IGF1R: variants seen among roughly 807,000 people sequenced by gnomAD.
IGF1R encodes the protein insulin like growth factor 1 receptor.
IGF1R carries 44 observed loss-of-function variants against 144.6 expected under a neutral mutation model. The observed-to-expected ratio is 0.30, with a 90% CI of 0.24 to 0.39. IGF1R has a LOEUF of 0.39. Ranked by LOEUF, IGF1R falls within the 10% of genes least tolerant of loss-of-function variation. IGF1R has a pLI of 1.00. For synonymous variants in IGF1R, 795 were observed against 722.8 expected, an observed-to-expected ratio of 1.10 and a Z score of -1.60; for missense variants, 1,355 against 1,833.7, an observed-to-expected ratio of 0.74 and a Z score of 4.77.
At chr15:98,925,694 G>C (rs988820999) in intron 13 of IGF1R, among the ~76,000 whole-genome samples, 1 of 152,242 alleles carries the variant, frequency 6.6e-6, no homozygotes, top group Non-Finnish European at 1.5e-5. Context: ...CTTGAGGTCA[G>C]GAGTTTGAGA....
At chr15:98,819,193 A>G (rs557886303) in intron 2 of IGF1R, among the ~76,000 whole-genome samples, 1 of 152,230 alleles carries the variant, frequency 6.6e-6, no homozygotes, top group Admixed American at 6.5e-5. Flanking sequence ...ATGGAGAGAA[A>G]CATTTGGCAC....
intron 1 of IGF1R, among the ~76,000 whole-genome samples, chr15:98,683,583 G>GA (rs1306970110): frequency 4.6e-5 from 7 of 152,148 alleles, no homozygotes; most frequent in Non-Finnish European, 1.0e-4. Flanking sequence ...TGTTTATTGA[G>GA]AAAATCATTG....
chr15:98,931,499 GCCT>G (rs2015939341), intron 15 of IGF1R, among the ~76,000 whole-genome samples: 2 of 152,098 alleles, frequency 1.3e-5, no homozygotes, highest in South Asian at 4.1e-4. Context: ...ATCAAAAGCA[GCCT>G]CCTCTGAATG....
At chr15:98,662,313 A>G in intron 1 of IGF1R, among the ~76,000 whole-genome samples, 1 of 152,030 alleles carries the variant, frequency 6.6e-6, no homozygotes. Flanking sequence ...TCTACAGTGA[A>G]AGGTTTGAAC....
chr15:98,654,886 A>C (rs2052449324), intron 1 of IGF1R, among the ~76,000 whole-genome samples: 1 of 152,212 alleles, frequency 6.6e-6, no homozygotes, highest in Non-Finnish European at 1.5e-5. Context: ...ATGCACTCTG[A>C]TCCCTCCTGG....
intron 1 of IGF1R, among the ~76,000 whole-genome samples, chr15:98,701,247 C>T (rs1374295448): frequency 6.6e-6 from 1 of 151,622 alleles, no homozygotes; most frequent in Non-Finnish European, 1.5e-5. Context: ...CACAGTGTGC[C>T]TGTAGACCTG....
intron 11 of IGF1R, among the ~76,000 whole-genome samples, chr15:98,923,171 G>A (rs965459972): frequency 1.5e-4 from 23 of 152,176 alleles, no homozygotes; most frequent in African/African-American, 5.1e-4. Flanking sequence ...TGCCTTTTCC[G>A]GCTGTAACTT....
At chr15:98,734,806 T>G (rs1312065137) in intron 2 of IGF1R, 2 of 152,250 alleles carry the variant, frequency 1.3e-5, no homozygotes, top group African/African-American at 4.8e-5. Context: ...ACTTTTCTTC[T>G]AAGTGTGATT....
rs2151644752 is a variant in IGF1R, at chr15:98,891,568, G to T, written c.884G>T (p.Gly295Val). 6.2e-7 allele frequency: 1 copy of T among 1,608,454 alleles called. No homozygotes were observed. Among genetic ancestry groups the T allele is most frequent in the Non-Finnish European group, 8.5e-7 (1 of 1,180,000 alleles). Reference protein sequence around the residue: ...ILSAESSDSEGFVIHDGECMQ... With the variant: ...ILSAESSDSEVFVIHDGECMQ... ...AGCGCCGAGAGCAGCGACTCCGAGG[G>T]GTTTGTGATCCACGACGGCGAGTGC... is the stretch of plus-strand genomic sequence containing the variant. The change falls in exon 3 of 21, where the codon GGG becomes GTG. Residue 295 changes from glycine to valine, a missense_variant. Transcript: ENST00000650285. This position sits in a 1 kb window ranked among gnomAD's most constrained non-coding sequence, Gnocchi z 4.7.
Position 98,707,656 on chromosome 15 carries a change from C to A in IGF1R, c.189C>A (p.Leu63=). The part of the protein sequence containing the change: ...TVIEGYLHIL[L]ISKAEDYRSY... ...TCGAGGGCTACCTCCACATCCTGCT[C>A]ATCTCCAAGGCCGAGGACTACCGCA... The change falls in exon 2 of 21, where the codon CTC becomes CTA. Residue 63 remains leucine, a synonymous_variant. Coordinates refer to ENST00000650285, the MANE Select transcript of IGF1R (RefSeq NM_000875.5). The surrounding 1 kb of genome is among the most constrained non-coding windows in gnomAD (Gnocchi z 6.7). 6.2e-7 allele frequency: 1 copy of A among 1,614,146 alleles called. No homozygotes were observed. The highest frequency in any genetic ancestry group is 8.5e-7 in the Non-Finnish European group (1 of 1,180,008).
chr15:98,861,620 C>G (rs1318223011), intron 2 of IGF1R, among the ~76,000 whole-genome samples: 1 of 152,216 alleles, frequency 6.6e-6, no homozygotes, highest in Non-Finnish European at 1.5e-5. Context: ...GGGGTGAAGA[C>G]ATTCTGGGTT....
chr15:98,845,575 T>C (rs1249299030), intron 2 of IGF1R, among the ~76,000 whole-genome samples: 1 of 142,670 alleles, frequency 7.0e-6, no homozygotes, highest in Non-Finnish European at 1.5e-5. Context: ...CTCGTTTCTC[T>C]TCTCTCTCTT....
Position 98,884,902 on chromosome 15 carries a change from C to T in IGF1R, c.641-6423C>T, listed in dbSNP as rs540858820. Among the ~76,000 whole-genome samples the T allele has an allele frequency of 1.5e-3, 233 of 152,192 alleles. 1 individual carries two copies. The highest frequency in any genetic ancestry group is 4.9e-3 in the Admixed American group (75 of 15,284). On this transcript the variant is annotated intron_variant, in intron 2 of 20. Transcript: ENST00000650285. ...TGCTGGATTAAAAGGCTGTTCCAGG[C>T]TCTCCCTACCTCAGGGCACACCATC... is the stretch of plus-strand genomic sequence containing the variant.
At chr15:98,794,825 C>G (rs933861929) in intron 2 of IGF1R, among the ~76,000 whole-genome samples, 1 of 152,166 alleles carries the variant, frequency 6.6e-6, no homozygotes, top group Non-Finnish European at 1.5e-5. Context: ...GAAAATGTGC[C>G]TGGTGTCGTC....
intron 2 of IGF1R, among the ~76,000 whole-genome samples, chr15:98,879,890 A>G (rs375898590): frequency 3.9e-5 from 6 of 152,316 alleles, no homozygotes; most frequent in African/African-American, 9.6e-5. Flanking sequence ...GACACTACCT[A>G]TTGTCTGATT....
intron 2 of IGF1R, among the ~76,000 whole-genome samples, chr15:98,751,452 C>T (rs943907516): frequency 2.0e-5 from 3 of 152,150 alleles, no homozygotes; most frequent in Non-Finnish European, 4.4e-5. Context: ...TCAAGCGATC[C>T]TCTCCCCTCA....
At chr15:98,857,258 G>A (rs1200977878) in intron 2 of IGF1R, among the ~76,000 whole-genome samples, 1 of 151,894 alleles carries the variant, frequency 6.6e-6, no homozygotes, top group Non-Finnish European at 1.5e-5. Flanking sequence ...TCACCCTTTC[G>A]CCCAAGCTGG....
intron 20 of IGF1R, among the ~76,000 whole-genome samples, chr15:98,956,364 T>G (rs2016983834): frequency 6.6e-6 from 1 of 152,200 alleles, no homozygotes; most frequent in Admixed American, 6.5e-5. Context: ...GGAATCTGGC[T>G]TCAGGTCTAC....
At chr15:98,900,060 C>T (rs944578205) in intron 5 of IGF1R, among the ~76,000 whole-genome samples, 1 of 152,150 alleles carries the variant, frequency 6.6e-6, no homozygotes, top group Admixed American at 6.5e-5. Context: ...GAAGTGAGAG[C>T]ACGGGAGGAG....
Sources: allele counts gnomAD v4.1 joint callset (sites outside exome capture counted in the v4.1 genomes callset), GRCh38; gene constraint gnomAD v4.1.1; non-coding constraint Gnocchi (gnomAD v3.1); transcripts MANE v1.5; gene names NCBI Gene and HGNC (gene_info 2026-07-23, HGNC 2026-07-21).